Variants in NCALD observed in about 807,000 individuals in gnomAD.
NCALD encodes neurocalcin delta.
In NCALD, 10 loss-of-function variants were observed where a neutral mutation model predicts 18.6. The ratio of observed to expected loss-of-function variants is 0.54; its 90% confidence interval spans 0.33 to 0.91. The LOEUF is 0.91. Ranked by LOEUF, NCALD falls within the 40% of genes least tolerant of loss-of-function variation. The pLI is 0.03. For missense variants in NCALD, 184 were observed against 247.6 expected (o/e 0.74, Z 1.72); for synonymous variants, 88 against 87.4 (o/e 1.01, Z -0.04).
At chr8:101,716,189 T>C (rs1563688072) in intron 2 of NCALD, among the ~76,000 whole-genome samples, 1 of 152,090 alleles carries the variant, frequency 6.6e-6, no homozygotes, top group East Asian at 1.9e-4. Flanking sequence ...TGAAGCTGGA[T>C]ACCATCATTC....
At chr8:102,067,176 ACCT>A (rs1824036192) in intron 1 of NCALD, among the ~76,000 whole-genome samples, 1 of 152,180 alleles carries the variant, frequency 6.6e-6, no homozygotes, top group African/African-American at 2.4e-5. Context: ...AAATGGGTCC[ACCT>A]GTTATATGTG....
chr8:101,695,991 TTCTC>T (rs1308686031), intron 2 of NCALD, among the ~76,000 whole-genome samples: 3 of 152,168 alleles, frequency 2.0e-5, no homozygotes, highest in Non-Finnish European at 4.4e-5. Flanking sequence ...TTTCTTTTTC[TTCTC>T]TCTCTCTTCA....
intron 3 of NCALD, among the ~76,000 whole-genome samples, chr8:101,908,573 G>A (rs996078544): frequency 8.5e-5 from 13 of 152,220 alleles, no homozygotes; most frequent in African/African-American, 2.9e-4. Context: ...ATGATCACGG[G>A]TGTTATTAGA....
chr8:101,808,840 C>G (rs919147585), intron 4 of NCALD, among the ~76,000 whole-genome samples: 3 of 152,042 alleles, frequency 2.0e-5, no homozygotes, highest in African/African-American at 7.2e-5. Context: ...TGGAGAAAAG[C>G]TGCCATTTCA....
intron 1 of NCALD, among the ~76,000 whole-genome samples, chr8:101,764,365 A>G (rs1811256094): frequency 1.3e-5 from 2 of 152,194 alleles, no homozygotes; most frequent in African/African-American, 4.8e-5. Flanking sequence ...GTATCACAGC[A>G]AGGAGGAAGG....
intron 1 of NCALD, among the ~76,000 whole-genome samples, chr8:102,067,953 C>T (rs1824061289): frequency 6.6e-6 from 1 of 152,222 alleles, no homozygotes; most frequent in Admixed American, 6.5e-5. Context: ...TCCCCCTTCG[C>T]TCTGTTCTGT....
intron 3 of NCALD, among the ~76,000 whole-genome samples, chr8:101,910,272 A>G (rs553821295): frequency 8.7e-4 from 128 of 146,734 alleles, no homozygotes; most frequent in Middle Eastern, 3.5e-3. Context: ...GGGCAAATGG[A>G]AGGTATGTAA....
chr8:101,778,517 G>A (rs757213289), intron 1 of NCALD, among the ~76,000 whole-genome samples: 105 of 151,992 alleles, frequency 6.9e-4, no homozygotes, highest in African/African-American at 2.4e-3. Context: ...GGATATTTGA[G>A]AGAAAAGTCT....
At chr8:101,967,688 G>C (rs1820080617) in intron 2 of NCALD, among the ~76,000 whole-genome samples, 1 of 152,134 alleles carries the variant, frequency 6.6e-6, no homozygotes, top group South Asian at 2.1e-4. Context: ...ATGCCAGCAA[G>C]AGTTCTGGGA....
chr8:102,035,195 C>A (rs1173621377), intron 1 of NCALD, among the ~76,000 whole-genome samples: 1 of 151,898 alleles, frequency 6.6e-6, no homozygotes, highest in Non-Finnish European at 1.5e-5. Flanking sequence ...TTTTGATCAC[C>A]TGGTCTCTGC....
intron 2 of NCALD, among the ~76,000 whole-genome samples, chr8:101,955,927 T>C (rs902884398): frequency 1.1e-4 from 16 of 151,990 alleles, no homozygotes; most frequent in Admixed American, 1.0e-3. Flanking sequence ...TATTTAAGGG[T>C]AATGGGATGT....
At position 101,716,259 on chromosome 8, in the gene NCALD, AGTT is replaced by A. The variant is rs1816074979; in HGVS notation, c.378+2990_378+2992del. ...GCGCATGTTCTCACTCATAGGTGGG[AGTT>A]GAACAATGAGAATATATGGGCACAG... On this transcript the variant is annotated intron_variant, in intron 2 of 3. Transcript: ENST00000220931. 4.6e-5 allele frequency among the ~76,000 whole-genome samples: 7 copies of A among 152,020 alleles called. No homozygotes were observed. In the South Asian group the frequency reaches 1.5e-3, roughly 32 times the overall value.
At chr8:101,899,031 C>T (rs1817318632) in intron 3 of NCALD, among the ~76,000 whole-genome samples, 1 of 152,020 alleles carries the variant, frequency 6.6e-6, no homozygotes, top group Non-Finnish European at 1.5e-5. Flanking sequence ...ATCCAATCCA[C>T]ATTTCTCTAC....
rs1192266610 is a variant in NCALD at position 101,688,269 on chromosome 8, G to A, written c.*1040C>T. On this transcript the variant is annotated 3_prime_UTR_variant, in exon 4 of 4. Transcript: ENST00000220931. ...CAATTGTCCTGTCCCACTACCACCT[G>A]CTCTGCATCTGCCCTCTAGGCATGG... 2.1e-5 allele frequency: 4 copies of A among 193,384 alleles called. No individual in the cohort carries two copies. Among genetic ancestry groups the A allele is most frequent in the Non-Finnish European group, 4.3e-5 (4 of 92,462 alleles). The allele number at this position is 193,384 out of a possible 1,614,324, so 12.0% of individuals were successfully genotyped here.
chr8:102,083,168 C>G (rs1824607564), intron 1 of NCALD, among the ~76,000 whole-genome samples: 2 of 152,206 alleles, frequency 1.3e-5, no homozygotes, highest in Non-Finnish European at 2.9e-5. Flanking sequence ...AAACCTGACT[C>G]AACCCTAAAA....
chr8:101,726,769 A>G (rs1447944040), intron 1 of NCALD, among the ~76,000 whole-genome samples: 1 of 152,184 alleles, frequency 6.6e-6, no homozygotes, highest in African/African-American at 2.4e-5. Context: ...GTATATAGAT[A>G]GAGTTTACAG....
intron 1 of NCALD, among the ~76,000 whole-genome samples, chr8:101,774,910 T>C (rs1432118714): frequency 6.6e-6 from 1 of 152,184 alleles, no homozygotes; most frequent in Non-Finnish European, 1.5e-5. Context: ...CTTGTCAACT[T>C]AGGGTGCCCA....
chr8:101,913,254 T>C (rs937815666), intron 3 of NCALD, among the ~76,000 whole-genome samples: 1 of 152,218 alleles, frequency 6.6e-6, no homozygotes, highest in African/African-American at 2.4e-5. Flanking sequence ...CTAACACATG[T>C]CATAATCCAC....
chr8:101,827,557 T>C (rs959897151), intron 4 of NCALD, among the ~76,000 whole-genome samples: 3 of 152,220 alleles, frequency 2.0e-5, no homozygotes, highest in East Asian at 1.9e-4. Context: ...AAGATATAGA[T>C]AGATACATAT....
Sources: allele counts gnomAD v4.1 joint callset (sites outside exome capture counted in the v4.1 genomes callset), GRCh38; gene constraint gnomAD v4.1.1; transcripts MANE v1.5; gene names NCBI Gene and HGNC (gene_info 2026-07-23, HGNC 2026-07-21).